PRKN: variants seen among roughly 807,000 people sequenced by gnomAD.
PRKN encodes E3 ubiquitin-protein ligase parkin.
A neutral mutation model predicts 59.5 loss-of-function variants in PRKN; 56 were observed. The ratio of observed to expected loss-of-function variants is 0.94; its 90% CI spans 0.76 to 1.18. PRKN has a LOEUF of 1.18. Ranked by LOEUF, PRKN falls within the 50% of genes most tolerant of loss-of-function variation. PRKN has a pLI of 0.00. For missense variants in PRKN, 657 were observed against 596.4 expected, an observed-to-expected ratio of 1.10 and a Z score of -1.06; for synonymous variants, 250 against 222.1, an observed-to-expected ratio of 1.13 and a Z score of -1.12.
chr6:162,372,317 A>T (rs2128137366), intron 2 of PRKN, among the ~76,000 whole-genome samples: 1 of 152,266 alleles, frequency 6.6e-6, no homozygotes, highest in South Asian at 2.1e-4. Flanking sequence ...TCCAGGCCAG[A>T]GGCAGAAGTA....
chr6:161,701,028 A>C (rs997819970), intron 7 of PRKN, among the ~76,000 whole-genome samples: 1 of 152,232 alleles, frequency 6.6e-6, no homozygotes, highest in Non-Finnish European at 1.5e-5. Flanking sequence ...TTAGAAAAAC[A>C]ACCCTTGAGA....
intron 9 of PRKN, among the ~76,000 whole-genome samples, chr6:161,539,159 G>A (rs138027346): frequency 3.8e-3 from 577 of 152,298 alleles, no homozygotes; most frequent in African/African-American, 0.013. Context: ...ATTGGGATAC[G>A]TTTTCCTATA....
intron 4 of PRKN, among the ~76,000 whole-genome samples, chr6:162,070,441 C>T (rs990844270): frequency 3.3e-5 from 5 of 152,060 alleles, no homozygotes; most frequent in Non-Finnish European, 5.9e-5. Context: ...GGGGTCAGCT[C>T]GGATGGTTCA....
At chr6:161,843,628 A>G (rs1041037467) in intron 6 of PRKN, among the ~76,000 whole-genome samples, 3 of 152,170 alleles carry the variant, frequency 2.0e-5, no homozygotes, top group African/African-American at 7.2e-5. Context: ...TCTACTAAAA[A>G]TACAAAAAGG....
chr6:161,421,959 A>G (rs1208109591), intron 9 of PRKN, among the ~76,000 whole-genome samples: 1 of 152,182 alleles, frequency 6.6e-6, no homozygotes, highest in African/African-American at 2.4e-5. Context: ...GAATTTTGAT[A>G]GAAAAGAACA....
intron 1 of PRKN, among the ~76,000 whole-genome samples, chr6:162,551,329 A>G (rs1779323361): frequency 6.6e-6 from 1 of 152,204 alleles, no homozygotes; most frequent in African/African-American, 2.4e-5. Flanking sequence ...ATGGAATTTA[A>G]GGAGGTTCGT....
At chr6:161,721,672 C>A (rs1364608299) in intron 7 of PRKN, among the ~76,000 whole-genome samples, 1 of 152,212 alleles carries the variant, frequency 6.6e-6, no homozygotes, top group Non-Finnish European at 1.5e-5. Context: ...TGGGTCCCCC[C>A]CGTGCTGGGG....
intron 1 of PRKN, among the ~76,000 whole-genome samples, chr6:162,597,983 A>C (rs1781557672): frequency 6.6e-6 from 1 of 152,200 alleles, no homozygotes; most frequent in African/African-American, 2.4e-5. Flanking sequence ...TTTACAAAAA[A>C]CAAGTTTTTA....
At chr6:161,651,943 T>C (rs140314795) in intron 7 of PRKN, among the ~76,000 whole-genome samples, 6 of 152,344 alleles carry the variant, frequency 3.9e-5, no homozygotes, top group African/African-American at 1.4e-4. Context: ...CAGAAAAACA[T>C]TCATCACTGA....
At chr6:162,463,942 A>G (rs1791293046) in intron 1 of PRKN, among the ~76,000 whole-genome samples, 1 of 152,262 alleles carries the variant, frequency 6.6e-6, no homozygotes, top group African/African-American at 2.4e-5. Flanking sequence ...GTTTTTGGGG[A>G]CTTAATAAGC....
intron 2 of PRKN, among the ~76,000 whole-genome samples, chr6:162,302,209 G>C (rs1781992124): frequency 6.6e-6 from 1 of 151,994 alleles, no homozygotes; most frequent in Non-Finnish European, 1.5e-5. Flanking sequence ...ACCTGAAAGA[G>C]CACGATAATC....
At chr6:162,249,049 T>G (rs1037011497) in intron 3 of PRKN, among the ~76,000 whole-genome samples, 3 of 151,992 alleles carry the variant, frequency 2.0e-5, no homozygotes, top group Non-Finnish European at 2.9e-5. Flanking sequence ...CCAGCTAATT[T>G]TTGTATTTTT....
chr6:161,866,845 TA>T (rs1794132011), intron 6 of PRKN, among the ~76,000 whole-genome samples: 1 of 152,210 alleles, frequency 6.6e-6, no homozygotes, highest in African/African-American at 2.4e-5. Context: ...ACAAACCTTT[TA>T]AAGTAGCTCA....
chr6:162,356,141 T>C (rs1459963500), intron 2 of PRKN, among the ~76,000 whole-genome samples: 2 of 152,150 alleles, frequency 1.3e-5, no homozygotes. Flanking sequence ...CCCTTAAATG[T>C]AGATTTCTGT....
chr6:161,857,544 T>A (rs59178444), intron 6 of PRKN, among the ~76,000 whole-genome samples: 1 of 152,156 alleles, frequency 6.6e-6, no homozygotes, highest in Admixed American at 6.5e-5. Flanking sequence ...GCCCACATTT[T>A]CAATCTAGCA....
At chr6:162,567,108 T>C (rs984753864) in intron 1 of PRKN, among the ~76,000 whole-genome samples, 30 of 152,054 alleles carry the variant, frequency 2.0e-4, no homozygotes, top group African/African-American at 7.0e-4. Context: ...AAGGAACACA[T>C]CTCAACATAT....
intron 7 of PRKN, among the ~76,000 whole-genome samples, chr6:161,614,521 T>C (rs1306043540): frequency 6.6e-6 from 1 of 152,240 alleles, no homozygotes; most frequent in Non-Finnish European, 1.5e-5. Context: ...TGGTAATATC[T>C]ATTTAGAAGT....
intron 2 of PRKN, among the ~76,000 whole-genome samples, chr6:162,327,489 A>T (rs538908702): frequency 6.6e-6 from 1 of 152,202 alleles, no homozygotes; most frequent in Non-Finnish European, 1.5e-5. Context: ...TACAGTTTCA[A>T]TGTTAGGTTT....
chr6:162,592,921 T>C (rs1781366254), intron 1 of PRKN, among the ~76,000 whole-genome samples: 1 of 151,840 alleles, frequency 6.6e-6, no homozygotes, highest in South Asian at 2.1e-4. Context: ...CAAAGTCAGC[T>C]AACACATCAC....
Sources: gnomAD v4.1 joint callset for allele counts (sites outside exome capture counted in the v4.1 genomes callset) on GRCh38, gnomAD v4.1.1 for gene constraint, MANE v1.5 for transcripts, NCBI Gene and HGNC (gene_info 2026-07-23, HGNC 2026-07-21) for gene names.